The following FCRL5 variants were observed in gnomAD, a reference collection of about 807,000 sequenced individuals.
FCRL5 encodes Fc receptor like 5.
Under a neutral mutation model 92.1 loss-of-function variants are expected in FCRL5, and 79 were observed. The ratio of observed to expected loss-of-function variants is 0.86; its 90% confidence interval spans 0.72 to 1.03. The LOEUF is 1.03. FCRL5 is among the 50% of genes least tolerant of loss of function. The pLI, the probability that FCRL5 is intolerant of heterozygous loss-of-function variation, is 0.00. For missense variants in FCRL5, 1,160 were observed against 1,181.1 expected, an observed-to-expected ratio of 0.98 and a Z score of 0.26; for synonymous variants, 466 against 469.3, an observed-to-expected ratio of 0.99 and a Z score of 0.09.
At position 157,515,679 on chromosome 1, in the gene FCRL5, C is replaced by T. The variant is rs753018489; in HGVS notation, c.2930G>A (p.Arg977Lys). 1.9e-6 allele frequency: 3 copies of T among 1,614,186 alleles called. No individual in the cohort carries two copies. Among genetic ancestry groups the T allele is most frequent in the Non-Finnish European group, 2.5e-6 (3 of 1,180,034 alleles). Residue 977 changes from arginine to lysine, a missense_variant, in exon 17 of 17, where the codon AGA (arginine) becomes AAA (lysine). By Grantham distance (26) the Arg-to-Lys change is conservative. Transcript: ENST00000361835. ...CAGTTGGAGAGACGTGTGGACTCAT[C>T]TGTGAGGAGCTGAGGAAGCCAAGAA... is the stretch of plus-strand genomic sequence containing the variant. ...SLFLASSAPH[R>K]
chr1:157,534,479 T>G, intron 8 of FCRL5, 135 bp downstream of exon 8: 1 of 1,019,546 alleles, frequency 9.8e-7, no homozygotes, highest in Non-Finnish European at 1.5e-6. Flanking sequence ...CCCCAGCTAG[T>G]TAGTTGAGGA....
intron 8 of FCRL5, chr1:157,534,399 G>A: frequency 4.2e-6 from 3 of 719,568 alleles, no homozygotes; most frequent in Middle Eastern, 2.3e-4. Flanking sequence ...AAATTCATTT[G>A]GTAAAAGCTG....
At chr1:157,520,343 G>T in intron 12 of FCRL5, 88 bp downstream of exon 12, 1 of 907,384 alleles carries the variant, frequency 1.1e-6, no homozygotes, top group East Asian at 2.6e-5. Context: ...TTGCGAGCCT[G>T]GGATGGTCAC....
In FCRL5 at chr1:157,534,810, T is replaced by C. The variant is rs1650886465; in HGVS notation, c.1485A>G (p.Glu495=). ...FEGATVTLHC[E]VQRGSPQILY... ...GGATTTGTGGGGAACCTCTCTGGAC[T>C]TCACAGTGAAGTGTCACAGTGGCTC... is the stretch of plus-strand genomic sequence containing the variant. Residue 495 remains glutamate (E), a synonymous_variant, in exon 8 of 17, where the codon GAA becomes GAG. Transcript: ENST00000361835. The C allele has an allele frequency of 1.2e-6, 2 of 1,608,356 alleles. No homozygotes were observed. Among genetic ancestry groups the C allele is most frequent in the Non-Finnish European group, 1.7e-6 (2 of 1,177,110 alleles).
chr1:157,546,664 C>A (rs1217030252), intron 3 of FCRL5, among the ~76,000 whole-genome samples: 1 of 152,146 alleles, frequency 6.6e-6, no homozygotes, highest in Non-Finnish European at 1.5e-5. Context: ...TGATAAGCTG[C>A]CCAGGCTTTC....
At chr1:157,527,216 A>G (rs773402735) in intron 9 of FCRL5, among the ~76,000 whole-genome samples, 6 of 152,360 alleles carry the variant, frequency 3.9e-5, no homozygotes, top group Non-Finnish European at 8.8e-5. Context: ...GTGTGAGCCA[A>G]TAAGAGAATT....
intron 6 of FCRL5, among the ~76,000 whole-genome samples, chr1:157,539,813 C>T (rs1178032890): frequency 6.6e-6 from 1 of 152,166 alleles, no homozygotes; most frequent in Non-Finnish European, 1.5e-5. Context: ...TTCCTCTGCC[C>T]CTCTCTCACA....
At chr1:157,524,607 C>T (rs1157996346) in intron 9 of FCRL5, 50 bp from the exon 10 acceptor site, 1 of 1,510,930 alleles carries the variant, frequency 6.6e-7, no homozygotes, top group African/African-American at 1.4e-5. Flanking sequence ...AAAATATATT[C>T]CTTCATGCTA....
chr1:157,524,363 T>C lies in FCRL5; in HGVS notation c.2155A>G (p.Thr719Ala), dbSNP rs756145033. ...GGASFNLSLT[T>A]EHSGIYSCEA... ...CAGGAGTAGATTCCAGAATGTTCTGTAGTCAGAGAGAGGTTGAAGGAGGCC... is the reference window on the plus strand; with the variant it reads ...CAGGAGTAGATTCCAGAATGTTCTGCAGTCAGAGAGAGGTTGAAGGAGGCC... Residue 719 changes from threonine (T) to alanine (A), a missense_variant, in exon 10 of 17, where the codon ACA becomes GCA. Physicochemically the swap from Thr to Ala is moderately conservative, Grantham distance 58. Transcript: ENST00000361835. The C allele has an allele frequency of 3.7e-6, 6 of 1,614,226 alleles. No individual in the cohort carries two copies. Among genetic ancestry groups the C allele is most frequent in the Non-Finnish European group, 5.1e-6 (6 of 1,180,030 alleles).
At chr1:157,519,693 C>T in intron 13 of FCRL5, 50 bp downstream of exon 13, 1 of 1,596,126 alleles carries the variant, frequency 6.3e-7, no homozygotes, top group Non-Finnish European at 8.6e-7. Flanking sequence ...TCCATTTTTC[C>T]ACCCTGTGGA....
chr1:157,549,544 A>G lies in FCRL5; in HGVS notation c.52+16T>C. The G allele has an allele frequency of 6.2e-7, 1 of 1,611,358 alleles. No individual in the cohort carries two copies. The stretch of plus-strand genomic sequence containing the variant: ...TTAACCAGAGACGCTGAAGAGCCAA[A>G]GACAGGAGAACTCACCAAACTGTCC... On this transcript the variant is annotated intron_variant, in intron 2 of 16. Transcript: ENST00000361835.
intron 2 of FCRL5, chr1:157,547,437 G>A (rs761691918): frequency 2.3e-5 from 16 of 704,688 alleles, no homozygotes; most frequent in Middle Eastern, 2.4e-4. Flanking sequence ...AGCAGGATTC[G>A]CCATCAAATA....
rs60191062 is a variant in FCRL5, at chr1:157,535,943, G to GTTTTTTTT, written c.1403-1059_1403-1052dup. Among the ~76,000 whole-genome samples, 22 of 90,008 alleles carry GTTTTTTTT rather than the reference G, an allele frequency of 2.4e-4. 7 individuals carry two copies. The South Asian group carries it at 5.4e-3, about 22-fold the overall frequency. The allele number at this position is 90,008 out of a possible 152,430, so 59.0% of individuals were successfully genotyped here. A position where few individuals can be genotyped will look rare whatever the true frequency, so the allele number is the denominator to read the frequency against. The stretch of plus-strand genomic sequence containing the variant: ...GGCTAAATTCACTGGATGTGACTCA[G>GTTTTTTTT]TTTTTTTTTTTTTTTTGAGATGGAG... On this transcript the variant is annotated intron_variant, in intron 7 of 16. Transcript: ENST00000361835.
At chr1:157,548,603 C>T (rs1195656657) in intron 2 of FCRL5, among the ~76,000 whole-genome samples, 1 of 152,174 alleles carries the variant, frequency 6.6e-6, no homozygotes, top group East Asian at 1.9e-4. Flanking sequence ...ATTCAAACAA[C>T]CCCATCAAAA....
intron 7 of FCRL5, among the ~76,000 whole-genome samples, chr1:157,535,214 T>C (rs1354291589): frequency 6.6e-6 from 1 of 152,188 alleles, no homozygotes; most frequent in Non-Finnish European, 1.5e-5. Context: ...CTTGCACCGC[T>C]CCTCACTTCT....
At chr1:157,518,120 T>C (rs1030696563) in intron 15 of FCRL5, among the ~76,000 whole-genome samples, 2 of 152,176 alleles carry the variant, frequency 1.3e-5, no homozygotes, top group African/African-American at 4.8e-5. Context: ...CAGAACTGAC[T>C]AAGACAGTAG....
intron 3 of FCRL5, among the ~76,000 whole-genome samples, chr1:157,545,645 C>T (rs1651498015): frequency 6.7e-6 from 1 of 150,050 alleles, no homozygotes; most frequent in Non-Finnish European, 1.5e-5. Flanking sequence ...TCTCCTGCCT[C>T]AGCCTCCCGA....
At chr1:157,537,309 T>TG (rs1201137535) in intron 7 of FCRL5, among the ~76,000 whole-genome samples, 3 of 152,170 alleles carry the variant, frequency 2.0e-5, no homozygotes, top group Non-Finnish European at 4.4e-5. Context: ...ATGGCCGCTT[T>TG]GGGGATGGCT....
At chr1:157,521,499 C>T in intron 10 of FCRL5, 1 of 526,786 alleles carries the variant, frequency 1.9e-6, no homozygotes, top group East Asian at 3.3e-5. Flanking sequence ...GTATAAATCA[C>T]TGAAAACTTC....
Sources: allele counts gnomAD v4.1 joint callset (sites outside exome capture counted in the v4.1 genomes callset), GRCh38; gene constraint gnomAD v4.1.1; transcripts MANE v1.5; gene names NCBI Gene and HGNC (gene_info 2026-07-23, HGNC 2026-07-21).